Variants in NDUFAF7 observed in about 807,000 individuals in gnomAD.
NDUFAF7 encodes protein arginine methyltransferase NDUFAF7, mitochondrial.
In NDUFAF7, 48 loss-of-function variants were observed where a neutral mutation model predicts 47.2. That is an observed-to-expected ratio of 1.02 (90% CI 0.81 to 1.29). NDUFAF7 has a LOEUF of 1.29. NDUFAF7 is among the 50% of genes most tolerant of loss of function. NDUFAF7 has a pLI of 0.00. For missense variants in NDUFAF7, 635 were observed against 537.6 expected, an observed-to-expected ratio of 1.18 and a Z score of -1.79; for synonymous variants, 217 against 190.0, an observed-to-expected ratio of 1.14 and a Z score of -1.17.
the NDUFAF7 span, chr2:37,268,083 T>A: frequency 1.7e-5 from 4 of 236,526 alleles, no homozygotes; most frequent in East Asian, 4.0e-4. Flanking sequence ...TAACTAGTTA[T>A]ACCTATTATG....
downstream of NDUFAF7, chr2:37,254,169 G>T (rs781047343): frequency 5.3e-5 from 78 of 1,482,690 alleles, no homozygotes; most frequent in Middle Eastern, 1.8e-4. Flanking sequence ...CTACTCAAAT[G>T]AGGATTGCCA....
chr2:37,242,105 A>G, intron 5 of NDUFAF7: 1 of 385,674 alleles, frequency 2.6e-6, no homozygotes, highest in Non-Finnish European at 4.7e-6. Context: ...GCTGGGGCTG[A>G]TGGAAGCAGT....
the NDUFAF7 span, among the ~76,000 whole-genome samples, chr2:37,271,041 A>G: frequency 5.9e-5 from 9 of 152,330 alleles, no homozygotes; most frequent in South Asian, 8.3e-4. Context: ...CTCATAGATT[A>G]TATCTCTGAA....
chr2:37,231,812 C>T (rs748821634), intron 1 of NDUFAF7, 52 bp downstream of exon 1: 4 of 1,611,244 alleles, frequency 2.5e-6, no homozygotes, highest in Non-Finnish European at 3.4e-6. Flanking sequence ...GCGTGGGGCG[C>T]CTTCCTCAGC....
chr2:37,267,857 G>T, the NDUFAF7 span: 1 of 257,426 alleles, frequency 3.9e-6, no homozygotes, highest in East Asian at 1.1e-4. Flanking sequence ...ACTCTGTCAA[G>T]ATGGAAATAC....
At chr2:37,232,021 A>C in intron 1 of NDUFAF7, 85 bp from the exon 2 acceptor site, 4 of 1,610,050 alleles carry the variant, frequency 2.5e-6, no homozygotes, top group Non-Finnish European at 3.4e-6. Context: ...AGGGTTCACG[A>C]AGCTGTTTTG....
At position 37,231,737 on chromosome 2, in the gene NDUFAF7, C is replaced by A. The variant is rs758365105; in HGVS notation, c.32C>A (p.Pro11Gln). Reference protein sequence around the residue: MSVLLRSGLGPLCAVARAAIP... With the variant: MSVLLRSGLGQLCAVARAAIP... The stretch of plus-strand genomic sequence containing the variant: ...GTACTGCTGAGGTCAGGTTTGGGGC[C>A]GTTGTGTGCCGTGGCGCGCGCAGGT... Residue 11 changes from proline (P) to glutamine (Q), a missense_variant, in exon 1 of 10, where the codon CCG becomes CAG. By Grantham distance (76) the Pro-to-Gln change is moderately conservative (BLOSUM62 -1). Transcript: ENST00000002125. 5 of 1,614,188 alleles carry A rather than the reference C, an allele frequency of 3.1e-6. No homozygotes were observed. The highest frequency in any genetic ancestry group is 1.1e-5 in the South Asian group (1 of 91,082).
chr2:37,259,511 A>T, the NDUFAF7 span: 1 of 1,208,454 alleles, frequency 8.3e-7, no homozygotes, highest in Non-Finnish European at 1.2e-6. Flanking sequence ...TACTTAGTAC[A>T]CTGCCTTTTA....
At chr2:37,258,675 C>T in the NDUFAF7 span, among the ~76,000 whole-genome samples, 2 of 152,140 alleles carry the variant, frequency 1.3e-5, no homozygotes, top group East Asian at 1.9e-4. Context: ...GCAACCCTTT[C>T]GACCTCAAAA....
At chr2:37,267,075 G>C in the NDUFAF7 span, among the ~76,000 whole-genome samples, 207 of 152,154 alleles carry the variant, frequency 1.4e-3, 2 homozygotes, top group Admixed American at 9.4e-3. Flanking sequence ...GCTGTTAAAA[G>C]GTACATAATT....
At chr2:37,266,633 T>C in the NDUFAF7 span, among the ~76,000 whole-genome samples, 10 of 152,090 alleles carry the variant, frequency 6.6e-5, no homozygotes, top group Non-Finnish European at 1.0e-4. Flanking sequence ...ATTATGGGCA[T>C]GCGCCACCGT....
chr2:37,253,249 G>A (rs1162090203), downstream of NDUFAF7: 1 of 1,612,462 alleles, frequency 6.2e-7, no homozygotes, highest in South Asian at 1.1e-5. Context: ...GGTTATGTGT[G>A]TATGCATGTA....
At chr2:37,261,299 A>T in the NDUFAF7 span, among the ~76,000 whole-genome samples, 1 of 150,076 alleles carries the variant, frequency 6.7e-6, no homozygotes, top group African/African-American at 2.5e-5. Context: ...CCAGCGTAGC[A>T]AACACGGTGA....
chr2:37,268,886 A>C, the NDUFAF7 span: 1 of 153,448 alleles, frequency 6.5e-6, no homozygotes, highest in African/African-American at 2.4e-5. Flanking sequence ...TGAACCACTT[A>C]AGGGTTCTAT....
At position 37,247,591 on chromosome 2, in the gene NDUFAF7, A is replaced by G. The variant is rs1667065487; in HGVS notation, c.1072A>G (p.Thr358Ala). 3.1e-6 allele frequency: 5 copies of G among 1,613,908 alleles called. No homozygotes were observed. In the African/African-American group the frequency reaches 4.0e-5, roughly 13 times the overall value. Residue 358 changes from threonine (T) to alanine (A), a missense_variant, in exon 9 of 10, where the codon ACA becomes GCA. Transcript: ENST00000002125. The stretch of plus-strand genomic sequence containing the variant: ...CTCTCTGGGCCCAATAAAACAACAC[A>G]CATTTTTAAAAAATATGGGTATTGA... ...VASLGPIKQH[T>A]FLKNMGIDVR...
At chr2:37,235,839 T>C (rs1572532307) in intron 2 of NDUFAF7, among the ~76,000 whole-genome samples, 1 of 152,080 alleles carries the variant, frequency 6.6e-6, no homozygotes, top group Admixed American at 6.6e-5. Flanking sequence ...GTATTGTTTT[T>C]AGTAGAGATG....
the NDUFAF7 span, chr2:37,267,552 GAAGAGGAACGA>G: frequency 6.4e-7 from 1 of 1,552,552 alleles, no homozygotes; most frequent in Non-Finnish European, 8.9e-7. Flanking sequence ...AAGAAAAAAA[GAAGAGGAACGA>G]ATGAAGCAAA....
At chr2:37,260,777 G>A in the NDUFAF7 span, among the ~76,000 whole-genome samples, 1 of 152,048 alleles carries the variant, frequency 6.6e-6, no homozygotes, top group Non-Finnish European at 1.5e-5. Context: ...ATTTGTGATG[G>A]TATTTGCTTA....
In NDUFAF7 at chr2:37,248,296, G is replaced by A; in HGVS notation, c.1272G>A (p.Gln424=). ...QGGRYQRNAR[Q]SKPFASVVAG... is the part of the protein sequence containing the mutation. ...GAAGATATCAGAGGAATGCACGTCA[G>A]TCAAAACCCTTTGCATCCGTTGTAG... The change falls in exon 10 of 10, where the codon CAG becomes CAA. Residue 424 remains glutamine (Q), a synonymous_variant. Transcript: ENST00000002125. 6.2e-7 allele frequency: 1 copy of A among 1,614,152 alleles called. No individual in the cohort carries two copies. The highest frequency in any genetic ancestry group is 8.5e-7 in the Non-Finnish European group (1 of 1,180,008).
Sources: allele counts gnomAD v4.1 joint callset (sites outside exome capture counted in the v4.1 genomes callset), GRCh38; gene constraint gnomAD v4.1.1; transcripts MANE v1.5; gene names NCBI Gene and HGNC (gene_info 2026-07-23, HGNC 2026-07-21).